Variants in SLC9A9 observed in about 807,000 individuals in gnomAD.
SLC9A9 encodes solute carrier family 9 member A9, also known as sodium/hydrogen exchanger 9.
In SLC9A9, 62 loss-of-function variants were observed where a neutral mutation model predicts 77.8. The ratio of observed to expected loss-of-function variants is 0.80; its 90% CI spans 0.65 to 0.98. The LOEUF (loss-of-function observed/expected upper bound fraction) is 0.98, where lower values mean the gene tolerates loss of function less well. Among genes scored for constraint, SLC9A9 ranks in the 50% least tolerant of loss-of-function variants. The pLI, the probability that SLC9A9 is intolerant of heterozygous loss-of-function variation, is 0.00. For missense variants in SLC9A9, 775 were observed against 774.9 expected, an observed-to-expected ratio of 1.00 and a Z score of 0.00; for synonymous variants, 320 against 283.5, an observed-to-expected ratio of 1.13 and a Z score of -1.29.
chr3:143,363,651 C>T lies in SLC9A9; in HGVS notation c.1525-88G>A, dbSNP rs2032817803. On this transcript the variant is annotated intron_variant, in intron 13 of 15. Transcript: ENST00000316549. ...ACATGTCAAACCAAGTTAAATTTAACTACATTTAAAAAAAACCTTTCTAAG... is the reference window on the plus strand; with the variant it reads ...ACATGTCAAACCAAGTTAAATTTAATTACATTTAAAAAAAACCTTTCTAAG... 3.2e-6 allele frequency: 4 copies of T among 1,237,844 alleles called. No individual in the cohort carries two copies. The South Asian group carries it at 5.2e-5, about 16-fold the overall frequency. The allele number at this position is 1,237,844 out of a possible 1,614,324, so 76.7% of individuals were successfully genotyped here. A position where few individuals can be genotyped will look rare whatever the true frequency, so the allele number is the denominator to read the frequency against.
intron 12 of SLC9A9, among the ~76,000 whole-genome samples, chr3:143,458,924 A>T (rs1292326660): frequency 6.6e-6 from 1 of 152,088 alleles, no homozygotes; most frequent in Non-Finnish European, 1.5e-5. Context: ...TTTTTTAAAG[A>T]GCAGATCTGC....
chr3:143,431,161 C>T (rs1391105698), intron 12 of SLC9A9, among the ~76,000 whole-genome samples: 1 of 152,126 alleles, frequency 6.6e-6, no homozygotes, highest in Non-Finnish European at 1.5e-5. Context: ...AAATCTTTCT[C>T]ATCTCACCTC....
At chr3:143,429,703 C>T (rs916096021) in intron 12 of SLC9A9, among the ~76,000 whole-genome samples, 2 of 152,132 alleles carry the variant, frequency 1.3e-5, no homozygotes, top group Admixed American at 6.5e-5. Context: ...AGTGCACACC[C>T]AGATGGAGAT....
chr3:143,479,308 G>A (rs2035534029), intron 11 of SLC9A9, among the ~76,000 whole-genome samples: 1 of 152,030 alleles, frequency 6.6e-6, no homozygotes, highest in African/African-American at 2.4e-5. Flanking sequence ...AGTGCAGTGT[G>A]TGATCATAGT....
At chr3:143,785,845 CTTTTTTTT>C (rs57552730) in intron 4 of SLC9A9, among the ~76,000 whole-genome samples, 31,432 of 113,028 alleles carry the variant, frequency 0.28, 4,836 homozygotes, top group African/African-American at 0.42. Flanking sequence ...TTGAATTTTT[CTTTTTTTT>C]TTTTTTTTTT....
At chr3:143,420,367 T>C (rs572092627) in intron 12 of SLC9A9, among the ~76,000 whole-genome samples, 2 of 152,236 alleles carry the variant, frequency 1.3e-5, no homozygotes, top group African/African-American at 4.8e-5. Context: ...CACTTAAGCA[T>C]GACAGTTAAA....
rs368762649 is a variant in SLC9A9, at chr3:143,493,646, C to T, written c.1315+7G>A. The T allele has an allele frequency of 6.2e-7, 1 of 1,608,700 alleles. No individual in the cohort carries two copies. The highest frequency in any genetic ancestry group is 8.5e-7 in the Non-Finnish European group (1 of 1,175,102). On this transcript the variant is annotated splice_region_variant and intron_variant, in intron 11 of 15. Coordinates refer to ENST00000316549, the MANE Select transcript of SLC9A9 (RefSeq NM_173653.4). ...AGCAGCACTAACATATAACATAGTT[C>T]ACATACCTGAAAACATCATCATGTG...
At chr3:143,585,739 C>A (rs1282193999) in intron 6 of SLC9A9, among the ~76,000 whole-genome samples, 70 of 152,174 alleles carry the variant, frequency 4.6e-4, no homozygotes, top group Non-Finnish European at 9.8e-4. Context: ...GTGGGCTTAC[C>A]CCACATACTC....
chr3:143,471,624 A>T (rs1305143593), intron 11 of SLC9A9, among the ~76,000 whole-genome samples: 1 of 152,080 alleles, frequency 6.6e-6, no homozygotes, highest in African/African-American at 2.4e-5. Flanking sequence ...TTTTATGAAT[A>T]CTCTGAGTTT....
At chr3:143,635,753 C>G (rs1409806669) in intron 6 of SLC9A9, among the ~76,000 whole-genome samples, 1 of 152,176 alleles carries the variant, frequency 6.6e-6, no homozygotes, top group Non-Finnish European at 1.5e-5. Context: ...ATATTGGATG[C>G]TCCTTTCAGT....
At chr3:143,490,419 C>G (rs910776181) in intron 11 of SLC9A9, among the ~76,000 whole-genome samples, 2 of 149,876 alleles carry the variant, frequency 1.3e-5, no homozygotes, top group African/African-American at 4.9e-5. Context: ...ATAAACCAAT[C>G]ACAAAAAGAC....
intron 6 of SLC9A9, among the ~76,000 whole-genome samples, chr3:143,592,712 G>A (rs1192011852): frequency 1.3e-5 from 2 of 152,112 alleles, no homozygotes; most frequent in African/African-American, 2.4e-5. Flanking sequence ...TATTCATGAT[G>A]TAAATGATGT....
chr3:143,573,749 G>C (rs1341441166), intron 8 of SLC9A9, among the ~76,000 whole-genome samples: 1 of 152,064 alleles, frequency 6.6e-6, no homozygotes, highest in African/African-American at 2.4e-5. Flanking sequence ...TCTCTACAAA[G>C]CAGTTGTGGG....
chr3:143,280,402 C>T (rs1938180943), intron 14 of SLC9A9, among the ~76,000 whole-genome samples: 1 of 149,048 alleles, frequency 6.7e-6, no homozygotes, highest in Non-Finnish European at 1.5e-5. Flanking sequence ...AACTTATTTT[C>T]TTTGAGCAGA....
intron 9 of SLC9A9, among the ~76,000 whole-genome samples, chr3:143,547,222 T>C (rs2036805609): frequency 6.6e-6 from 1 of 152,226 alleles, no homozygotes; most frequent in South Asian, 2.1e-4. Flanking sequence ...AGAGATTTCA[T>C]CCAGTACCAT....
chr3:143,437,616 C>T (rs1414297120), intron 12 of SLC9A9, among the ~76,000 whole-genome samples: 2 of 152,210 alleles, frequency 1.3e-5, no homozygotes, highest in Admixed American at 1.3e-4. Context: ...AGTAGGTCAA[C>T]TTAAATTCTA....
intron 12 of SLC9A9, among the ~76,000 whole-genome samples, chr3:143,431,679 T>C (rs1043894456): frequency 1.6e-4 from 25 of 152,102 alleles, no homozygotes; most frequent in East Asian, 9.7e-4. Flanking sequence ...TATGGGGTTT[T>C]ACCGTGTTAG....
chr3:143,649,928 C>T (rs1208613094), intron 6 of SLC9A9, among the ~76,000 whole-genome samples: 1 of 151,476 alleles, frequency 6.6e-6, no homozygotes, highest in African/African-American at 2.4e-5. Flanking sequence ...TTCTAAGACA[C>T]ACTTCAAGTA....
At chr3:143,512,686 A>G (rs111743474) in intron 9 of SLC9A9, among the ~76,000 whole-genome samples, 3,087 of 152,210 alleles carry the variant, frequency 0.02, 98 homozygotes, top group African/African-American at 0.069. Flanking sequence ...GACCAGCCTG[A>G]CCAAGATGGT....
Sources: gnomAD v4.1 joint callset for allele counts (sites outside exome capture counted in the v4.1 genomes callset) on GRCh38, gnomAD v4.1.1 for gene constraint, MANE v1.5 for transcripts, NCBI Gene and HGNC (gene_info 2026-07-23, HGNC 2026-07-21) for gene names.